FRMD3: variants seen among roughly 807,000 people sequenced by gnomAD.
The protein encoded by FRMD3 is FERM domain containing 3, also known as FERM domain-containing protein 3.
A neutral mutation model predicts 70.2 loss-of-function variants in FRMD3; 33 were observed. The observed-to-expected ratio is 0.47, with a 90% confidence interval of 0.36 to 0.63. The LOEUF (loss-of-function observed/expected upper bound fraction) is 0.63, where lower values mean the gene tolerates loss of function less well. FRMD3 is among the 20% of genes least tolerant of loss of function. The probability of loss-of-function intolerance (pLI) is 0.00; values close to 1 mark genes in which losing one functional copy is unlikely to be tolerated. For synonymous variants in FRMD3, 279 were observed against 255.9 expected, an observed-to-expected ratio of 1.09 and a Z score of -0.86; for missense variants, 632 against 711.4, an observed-to-expected ratio of 0.89 and a Z score of 1.27.
chr9:83,481,617 G>A (rs1828568421), intron 1 of FRMD3, among the ~76,000 whole-genome samples: 1 of 152,124 alleles, frequency 6.6e-6, no homozygotes, highest in Non-Finnish European at 1.5e-5. Flanking sequence ...TGGTACCATA[G>A]TTTATTTAAA....
rs867975637 is a variant in FRMD3, at chr9:83,528,187, G to C, written c.147+9898C>G. Among the ~76,000 whole-genome samples, 7 of 152,246 alleles carry C rather than the reference G, an allele frequency of 4.6e-5. No individual in the cohort carries two copies. The Middle Eastern group carries it at 0.01, about 222-fold the overall frequency. ...AAGACACAGCTTTATGCAATTATTA[G>C]AGTTTAAAAAGTTAGGATTCAGTTA... On this transcript the variant is annotated intron_variant, in intron 1 of 13. Coordinates refer to ENST00000304195, the MANE Select transcript of FRMD3 (RefSeq NM_174938.6).
intron 1 of FRMD3, among the ~76,000 whole-genome samples, chr9:83,436,138 T>C (rs917382814): frequency 2.6e-5 from 4 of 152,140 alleles, no homozygotes; most frequent in African/African-American, 9.7e-5. Context: ...GCTCACCCTG[T>C]CCTCATCCCG....
chr9:83,430,379 T>C (rs1183993419), intron 1 of FRMD3, among the ~76,000 whole-genome samples: 2 of 152,206 alleles, frequency 1.3e-5, no homozygotes, highest in Non-Finnish European at 2.9e-5. Context: ...CCAGCCACCA[T>C]ATTGAGAAAT....
chr9:83,416,871 T>C lies in FRMD3; in HGVS notation c.148-27163A>G, dbSNP rs183442611. On this transcript the variant is annotated intron_variant, in intron 1 of 13. Coordinates refer to ENST00000304195, the MANE Select transcript of FRMD3 (RefSeq NM_174938.6). ...ATAGTGTTCACTATGTTGCTTCACA[T>C]CACAAACTCAATATTGTGCTAAGCC... Among the ~76,000 whole-genome samples, 17 of 150,062 alleles carry C rather than the reference T, an allele frequency of 1.1e-4. No individual in the cohort carries two copies. In the East Asian group the frequency reaches 3.5e-3, roughly 31 times the overall value.
chr9:83,342,692 T>TAGATAGA, intron 5 of FRMD3, among the ~76,000 whole-genome samples: 1 of 146,998 alleles, frequency 6.8e-6, no homozygotes, highest in African/African-American at 2.5e-5. Context: ...GATGGATAGA[T>TAGATAGA]TAGATAGATA....
At chr9:83,541,469 C>CTT (rs1829998962), upstream of FRMD3, among the ~76,000 whole-genome samples, 1 of 152,200 alleles carries the variant, frequency 6.6e-6, no homozygotes, top group Admixed American at 6.5e-5. Context: ...TGTATTTCCA[C>CTT]ATGTGGCCAG....
chr9:83,381,632 T>G (rs1445964791), intron 2 of FRMD3, among the ~76,000 whole-genome samples: 1 of 152,112 alleles, frequency 6.6e-6, no homozygotes, highest in Non-Finnish European at 1.5e-5. Context: ...GATGTTTTTG[T>G]ATTCTAGGGT....
At chr9:83,487,146 T>C (rs1828706329) in intron 1 of FRMD3, among the ~76,000 whole-genome samples, 1 of 152,232 alleles carries the variant, frequency 6.6e-6, no homozygotes, top group African/African-American at 2.4e-5. Flanking sequence ...AGAATATTAA[T>C]GGTGTCACCC....
intron 6 of FRMD3, among the ~76,000 whole-genome samples, chr9:83,326,323 G>A (rs1282035214): frequency 1.3e-5 from 2 of 152,100 alleles, no homozygotes; most frequent in East Asian, 3.9e-4. Context: ...CTGTGCTGAG[G>A]GGAATGTCAA....
chr9:83,389,522 A>T, intron 2 of FRMD3, 82 bp downstream of exon 2: 3 of 878,884 alleles, frequency 3.4e-6, no homozygotes, highest in Non-Finnish European at 5.8e-6. Flanking sequence ...GGGCATCACT[A>T]GGGCTTTGAG....
chr9:83,335,711 T>C, intron 5 of FRMD3, 72 bp from the exon 6 acceptor site: 5 of 1,333,874 alleles, frequency 3.7e-6, no homozygotes, highest in Non-Finnish European at 5.2e-6. Context: ...GCATATGGAG[T>C]GCCTCCTGCC....
intron 10 of FRMD3, among the ~76,000 whole-genome samples, chr9:83,303,447 G>T (rs1301981123): frequency 5.3e-5 from 8 of 152,128 alleles, no homozygotes; most frequent in African/African-American, 1.9e-4. Flanking sequence ...TCAAATTTTA[G>T]TGAGCAACAA....
At chr9:83,567,298 T>A in the FRMD3 span, among the ~76,000 whole-genome samples, 2 of 152,136 alleles carry the variant, frequency 1.3e-5, no homozygotes, top group Non-Finnish European at 2.9e-5. Context: ...CTGCACCAAG[T>A]CCCTAGGCTG....
intron 13 of FRMD3, among the ~76,000 whole-genome samples, chr9:83,263,824 A>G (rs995888110): frequency 6.6e-6 from 1 of 152,210 alleles, no homozygotes; most frequent in African/African-American, 2.4e-5. Flanking sequence ...CAAATGCACA[A>G]ATTAAAACAT....
chr9:83,426,082 C>T (rs1053621495), intron 1 of FRMD3, among the ~76,000 whole-genome samples: 3 of 151,968 alleles, frequency 2.0e-5, no homozygotes, highest in Non-Finnish European at 4.4e-5. Flanking sequence ...AATTTTAAAC[C>T]CGCTAATGTT....
intron 13 of FRMD3, among the ~76,000 whole-genome samples, chr9:83,278,418 A>G (rs1833863454): frequency 6.6e-6 from 1 of 152,214 alleles, no homozygotes; most frequent in Non-Finnish European, 1.5e-5. Flanking sequence ...AGAACCCCTC[A>G]GGCGATAACT....
At chr9:83,296,153 C>T (rs1352338864) in intron 12 of FRMD3, among the ~76,000 whole-genome samples, 1 of 152,230 alleles carries the variant, frequency 6.6e-6, no homozygotes, top group East Asian at 1.9e-4. Flanking sequence ...TTGACAGCAG[C>T]TTCAAAGAAG....
intron 1 of FRMD3, among the ~76,000 whole-genome samples, chr9:83,504,461 A>G (rs532675004): frequency 6.6e-6 from 1 of 151,986 alleles, no homozygotes; most frequent in South Asian, 2.1e-4. Flanking sequence ...GTTGTCTGCC[A>G]CCCCCTCTCT....
chr9:83,269,260 T>C (rs1202886556), intron 13 of FRMD3, among the ~76,000 whole-genome samples: 2 of 152,212 alleles, frequency 1.3e-5, no homozygotes, highest in African/African-American at 4.8e-5. Flanking sequence ...AAACAACATA[T>C]GACCTGACAG....
Sources: gnomAD v4.1 joint callset for allele counts (sites outside exome capture counted in the v4.1 genomes callset) on GRCh38, gnomAD v4.1.1 for gene constraint, MANE v1.5 for transcripts, NCBI Gene and HGNC (gene_info 2026-07-23, HGNC 2026-07-21) for gene names.